CSMD1: variants seen among roughly 807,000 people sequenced by gnomAD.
The protein encoded by CSMD1 is CUB and Sushi multiple domains 1, also known as CUB and sushi domain-containing protein 1.
Under a neutral mutation model 417.5 loss-of-function variants are expected in CSMD1, and 213 were observed. That is an observed-to-expected ratio of 0.51 (90% CI 0.46 to 0.57). The LOEUF is 0.57. Ranked by LOEUF, CSMD1 falls within the 20% of genes least tolerant of loss-of-function variation. The probability of loss-of-function intolerance (pLI) is 0.00; values close to 1 mark genes in which losing one functional copy is unlikely to be tolerated. For missense variants in CSMD1, 6,923 were observed against 4,529.7 expected, an observed-to-expected ratio of 1.53 and a Z score of -15.17; for synonymous variants, 2,862 against 1,736.8, an observed-to-expected ratio of 1.65 and a Z score of -16.11.
At chr8:4,150,310 A>C (rs546335717) in intron 3 of CSMD1, among the ~76,000 whole-genome samples, 2 of 152,124 alleles carry the variant, frequency 1.3e-5, no homozygotes, top group African/African-American at 4.8e-5. Context: ...GCTCCCTGTT[A>C]GGAAGGACAT....
intron 3 of CSMD1, among the ~76,000 whole-genome samples, chr8:4,198,169 G>C (rs944009226): frequency 2.6e-5 from 4 of 152,196 alleles, no homozygotes; most frequent in South Asian, 2.1e-4. Flanking sequence ...CCCGAAGCAT[G>C]ATCAGGGGAG....
intron 10 of CSMD1, among the ~76,000 whole-genome samples, chr8:3,499,631 C>G (rs1008372159): frequency 3.9e-5 from 6 of 151,946 alleles, no homozygotes; most frequent in Non-Finnish European, 8.8e-5. Flanking sequence ...TGGGAGCATG[C>G]ACTTTGGCTC....
chr8:4,474,265 G>C (rs954456969), intron 2 of CSMD1, among the ~76,000 whole-genome samples: 5 of 152,132 alleles, frequency 3.3e-5, no homozygotes, highest in Admixed American at 2.6e-4. Context: ...TTATGTTTAT[G>C]TTTATAAATA....
intron 6 of CSMD1, among the ~76,000 whole-genome samples, chr8:3,722,566 A>G (rs1173096743): frequency 6.6e-6 from 1 of 152,114 alleles, no homozygotes; most frequent in Non-Finnish European, 1.5e-5. Flanking sequence ...CAATGTCTCC[A>G]AAATACTGCC....
chr8:4,695,463 G>C (rs1384379210), intron 1 of CSMD1, among the ~76,000 whole-genome samples: 1 of 152,190 alleles, frequency 6.6e-6, no homozygotes, highest in African/African-American at 2.4e-5. Flanking sequence ...TGTGGACTCA[G>C]TTGTTGCCTC....
At chr8:4,774,751 C>G (rs1229489038) in intron 1 of CSMD1, among the ~76,000 whole-genome samples, 1 of 152,126 alleles carries the variant, frequency 6.6e-6, no homozygotes, top group African/African-American at 2.4e-5. Flanking sequence ...TCATAACAGA[C>G]TTCCCAGGAG....
chr8:3,708,383 C>G (rs771652495), intron 7 of CSMD1, 31 bp downstream of exon 7: 22 of 1,588,984 alleles, frequency 1.4e-5, no homozygotes, highest in Admixed American at 5.0e-5. Context: ...AAGGGCGTAT[C>G]AATCCTCAGA....
intron 3 of CSMD1, among the ~76,000 whole-genome samples, chr8:4,158,146 T>C (rs1416030593): frequency 2.6e-5 from 4 of 151,692 alleles, no homozygotes; most frequent in South Asian, 4.2e-4. Flanking sequence ...GGTCAGACCA[T>C]TCTCCCTACG....
chr8:4,445,778 C>T (rs1021163417), intron 2 of CSMD1, among the ~76,000 whole-genome samples: 1 of 152,124 alleles, frequency 6.6e-6, no homozygotes, highest in African/African-American at 2.4e-5. Context: ...ACTAAGAAAT[C>T]ACAGAAATGT....
intron 4 of CSMD1, among the ~76,000 whole-genome samples, chr8:4,009,233 A>G (rs1340965991): frequency 6.6e-6 from 1 of 152,178 alleles, no homozygotes; most frequent in East Asian, 1.9e-4. Flanking sequence ...GAATGAACTG[A>G]TTTCTATTTC....
At chr8:3,214,732 C>G (rs1183054218) in intron 29 of CSMD1, 41 bp from the exon 30 acceptor site, 1 of 1,469,874 alleles carries the variant, frequency 6.8e-7, no homozygotes, top group Non-Finnish European at 9.1e-7. Context: ...GAGCAGGGAT[C>G]TTATTCTTGT....
chr8:4,454,484 C>T (rs537126936), intron 2 of CSMD1, among the ~76,000 whole-genome samples: 2 of 152,154 alleles, frequency 1.3e-5, no homozygotes, highest in African/African-American at 4.8e-5. Context: ...TATTTTGTTC[C>T]CCTAGTCACA....
intron 1 of CSMD1, among the ~76,000 whole-genome samples, chr8:4,845,226 G>A (rs1330809067): frequency 6.6e-6 from 1 of 152,068 alleles, no homozygotes; most frequent in African/African-American, 2.4e-5. Context: ...TTTGGTTATT[G>A]TACTGTTCAG....
intron 3 of CSMD1, among the ~76,000 whole-genome samples, chr8:4,034,620 T>G (rs1274195230): frequency 6.6e-6 from 1 of 152,162 alleles, no homozygotes; most frequent in Non-Finnish European, 1.5e-5. Flanking sequence ...CGAGAGCTCT[T>G]ACAGTCAAAG....
intron 3 of CSMD1, among the ~76,000 whole-genome samples, chr8:4,150,871 T>A (rs1796535147): frequency 2.0e-5 from 2 of 102,300 alleles, no homozygotes; most frequent in African/African-American, 3.8e-5. Context: ...TATAAAAAAA[T>A]GTCCTGCTGA....
intron 3 of CSMD1, among the ~76,000 whole-genome samples, chr8:4,207,528 A>C (rs1800051734): frequency 6.6e-6 from 1 of 152,196 alleles, no homozygotes; most frequent in Admixed American, 6.5e-5. Context: ...CTGAAGTTTT[A>C]GTTTCAAATG....
At chr8:3,716,999 A>C (rs532423520) in intron 6 of CSMD1, among the ~76,000 whole-genome samples, 1 of 152,310 alleles carries the variant, frequency 6.6e-6, no homozygotes, top group East Asian at 1.9e-4. Context: ...TTGAGGTACA[A>C]AGAACTTAAA....
chr8:4,313,527 C>G (rs1211198674), intron 3 of CSMD1, among the ~76,000 whole-genome samples: 2 of 143,734 alleles, frequency 1.4e-5, no homozygotes, highest in African/African-American at 5.2e-5. Flanking sequence ...AAAAAAATCA[C>G]GCGTAGGTCA....
intron 3 of CSMD1, among the ~76,000 whole-genome samples, chr8:4,157,090 G>A (rs986686599): frequency 1.3e-5 from 2 of 152,174 alleles, no homozygotes; most frequent in African/African-American, 2.4e-5. Context: ...TGGCCAGGGT[G>A]ACAAATCTCA....
Sources: allele counts gnomAD v4.1 joint callset (sites outside exome capture counted in the v4.1 genomes callset), GRCh38; gene constraint gnomAD v4.1.1; transcripts MANE v1.5; gene names NCBI Gene and HGNC (gene_info 2026-07-23, HGNC 2026-07-21).